The following USH2A variants were observed in gnomAD, a reference collection of about 807,000 sequenced individuals.
USH2A encodes the protein usherin.
Under a neutral mutation model 538.9 loss-of-function variants are expected in USH2A, and 443 were observed. That is an observed-to-expected ratio of 0.82 (90% CI 0.76 to 0.89). USH2A has a LOEUF of 0.89. Among genes scored for constraint, USH2A ranks in the 40% least tolerant of loss-of-function variants. USH2A has a pLI of 0.00. For missense variants in USH2A, 6,633 were observed against 6,324.8 expected (o/e 1.05, Z -1.65); for synonymous variants, 2,413 against 2,273.5 (o/e 1.06, Z -1.75).
At chr1:216,213,763 CT>C (rs1189434624) in intron 15 of USH2A, among the ~76,000 whole-genome samples, 2 of 151,434 alleles carry the variant, frequency 1.3e-5, no homozygotes, top group Non-Finnish European at 3.0e-5. Context: ...AAAGCTTTTG[CT>C]TTTTAAAGTA....
At chr1:215,729,241 G>T (rs1659921969) in intron 60 of USH2A, among the ~76,000 whole-genome samples, 1 of 152,150 alleles carries the variant, frequency 6.6e-6, no homozygotes, top group South Asian at 2.1e-4. Flanking sequence ...GAAGTCCACA[G>T]TTCCTATTTT....
At chr1:216,050,611 T>TCTC (rs2030741201) in intron 30 of USH2A, among the ~76,000 whole-genome samples, 1 of 94,716 alleles carries the variant, frequency 1.1e-5, no homozygotes, top group African/African-American at 3.6e-5. Flanking sequence ...TTTCTTTTTT[T>TCTC]TTTTTTTTTT....
At chr1:215,820,075 TG>T (rs1355826337) in intron 47 of USH2A, among the ~76,000 whole-genome samples, 1 of 151,802 alleles carries the variant, frequency 6.6e-6, no homozygotes, top group East Asian at 1.9e-4. Context: ...AAGATACTTT[TG>T]GGCACTCATG....
At chr1:215,726,299 A>T (rs1048108247) in intron 61 of USH2A, among the ~76,000 whole-genome samples, 1 of 152,184 alleles carries the variant, frequency 6.6e-6, no homozygotes, top group Non-Finnish European at 1.5e-5. Flanking sequence ...ATCATATAGG[A>T]ACTAGAAGAC....
At chr1:215,978,193 C>T (rs1211466316) in intron 35 of USH2A, among the ~76,000 whole-genome samples, 1 of 152,080 alleles carries the variant, frequency 6.6e-6, no homozygotes, top group Non-Finnish European at 1.5e-5. Flanking sequence ...TGCTTTTATG[C>T]ATTATTTTCT....
chr1:216,323,394 G>C, intron 8 of USH2A, 80 bp downstream of exon 8: 8 of 1,389,686 alleles, frequency 5.8e-6, no homozygotes, highest in Non-Finnish European at 8.1e-6. Context: ...TTGAAATCTG[G>C]CTTGCTCTGA....
intron 16 of USH2A, among the ~76,000 whole-genome samples, chr1:216,205,086 T>C (rs1361209820): frequency 2.6e-5 from 4 of 152,218 alleles, no homozygotes; most frequent in Non-Finnish European, 4.4e-5. Context: ...AATATGTTAC[T>C]ATGGAAATCA....
chr1:216,138,752 G>T (rs751037018), intron 21 of USH2A, among the ~76,000 whole-genome samples: 2 of 152,034 alleles, frequency 1.3e-5, no homozygotes, highest in Non-Finnish European at 2.9e-5. Context: ...GAAAGAAAAG[G>T]GCTGGGCATG....
At chr1:215,708,141 C>T (rs1207385814) in intron 61 of USH2A, among the ~76,000 whole-genome samples, 3 of 152,126 alleles carry the variant, frequency 2.0e-5, no homozygotes, top group Non-Finnish European at 4.4e-5. Context: ...GACCAATTTG[C>T]AAAAGTTGTA....
chr1:216,365,078 T>G lies in USH2A; in HGVS notation c.659A>C (p.Gln220Pro). 6.2e-7 allele frequency: 1 copy of G among 1,612,308 alleles called. No homozygotes were observed. Among genetic ancestry groups the G allele is most frequent in the South Asian group, 1.1e-5 (1 of 90,594 alleles). ...ATTGATAAAGAAGCTGATTTTTGTCTGATGCACCTGTAAGAAATTACCACC... is the reference window on the plus strand; with the variant it reads ...ATTGATAAAGAAGCTGATTTTTGTCGGATGCACCTGTAAGAAATTACCACC... ...KWIHLSVQVH[Q>P]TKISFFINGV... is the part of the protein sequence containing the mutation. The change falls in exon 4 of 72, where the codon CAG (glutamine) becomes CCG (proline). Residue 220 changes from glutamine (Q) to proline (P), a missense_variant. Coordinates refer to ENST00000307340, the MANE Select transcript of USH2A (RefSeq NM_206933.4).
At chr1:215,751,668 C>G (rs1660627036) in intron 58 of USH2A, among the ~76,000 whole-genome samples, 1 of 152,084 alleles carries the variant, frequency 6.6e-6, no homozygotes, top group African/African-American at 2.4e-5. Context: ...ATATCCTTTG[C>G]TCTCTTTAAT....
chr1:216,041,766 A>G (rs1017890167), intron 32 of USH2A, among the ~76,000 whole-genome samples: 2 of 152,134 alleles, frequency 1.3e-5, no homozygotes, highest in Non-Finnish European at 2.9e-5. Context: ...GAATGAAAGG[A>G]AAATATAAAA....
Position 216,301,039 on chromosome 1 carries a change from C to T in USH2A, c.1645-8669G>A, listed in dbSNP as rs528815810. ...TTCTGGGATTACAGGCGGGAGCCAC[C>T]ATGACAAGCCACACACTCAATTTTA... On this transcript the variant is annotated intron_variant, in intron 9 of 71. Transcript: ENST00000307340. 1.1e-3 allele frequency among the ~76,000 whole-genome samples: 169 copies of T among 151,970 alleles called. 4 individuals carry two copies. The highest frequency in any genetic ancestry group is 3.9e-3 in the African/African-American group (160 of 41,442).
At chr1:215,773,588 A>T in intron 55 of USH2A, among the ~76,000 whole-genome samples, 1 of 150,584 alleles carries the variant, frequency 6.6e-6, no homozygotes, top group Non-Finnish European at 1.5e-5. Context: ...TTCTTCTATT[A>T]AACTTTCCAC....
At chr1:216,404,738 C>T (rs981005076) in intron 3 of USH2A, among the ~76,000 whole-genome samples, 3 of 150,786 alleles carry the variant, frequency 2.0e-5, no homozygotes, top group Non-Finnish European at 4.4e-5. Flanking sequence ...CTTCCTTCCT[C>T]AGCTCCTGAG....
At chr1:215,710,479 T>C (rs1026118745) in intron 61 of USH2A, among the ~76,000 whole-genome samples, 3 of 152,154 alleles carry the variant, frequency 2.0e-5, no homozygotes, top group Non-Finnish European at 2.9e-5. Flanking sequence ...CTCTTTCTTA[T>C]GTACATCTCA....
At chr1:216,263,703 G>T (rs952294039) in intron 11 of USH2A, among the ~76,000 whole-genome samples, 1 of 152,048 alleles carries the variant, frequency 6.6e-6, no homozygotes, top group Non-Finnish European at 1.5e-5. Flanking sequence ...TCTAGGAACT[G>T]GAACATGATG....
At chr1:216,015,471 T>C (rs1294023606) in intron 32 of USH2A, among the ~76,000 whole-genome samples, 1 of 152,188 alleles carries the variant, frequency 6.6e-6, no homozygotes, top group Non-Finnish European at 1.5e-5. Flanking sequence ...CTTTTCCTCA[T>C]AGGAGCCTTA....
At chr1:216,271,207 A>C (rs1279121255) in intron 11 of USH2A, among the ~76,000 whole-genome samples, 1 of 152,068 alleles carries the variant, frequency 6.6e-6, no homozygotes, top group Non-Finnish European at 1.5e-5. Context: ...ATATCTCTCC[A>C]GTCTCACATA....
Sources: gnomAD v4.1 joint callset for allele counts (sites outside exome capture counted in the v4.1 genomes callset) on GRCh38, gnomAD v4.1.1 for gene constraint, MANE v1.5 for transcripts, NCBI Gene and HGNC (gene_info 2026-07-23, HGNC 2026-07-21) for gene names.